CLRN1: variants seen among roughly 807,000 people sequenced by gnomAD.
CLRN1 encodes the protein clarin-1.
CLRN1 carries 15 observed loss-of-function variants against 18.7 expected under a neutral mutation model. The ratio of observed to expected loss-of-function variants is 0.80; its 90% confidence interval spans 0.54 to 1.23. CLRN1 has a LOEUF of 1.23. Among genes scored for constraint, CLRN1 ranks in the 50% most tolerant of loss-of-function variants. The probability of loss-of-function intolerance (pLI) is 0.00; values close to 1 mark genes in which losing one functional copy is unlikely to be tolerated. For missense variants in CLRN1, 311 were observed against 277.5 expected (o/e 1.12, Z -0.86); for synonymous variants, 104 against 102.9 (o/e 1.01, Z -0.07).
At chr3:150,940,384 A>C (rs991648443) in intron 2 of CLRN1, 29 of 1,082,576 alleles carry the variant, frequency 2.7e-5, no homozygotes, top group Non-Finnish European at 3.3e-5. Context: ...CCTGTTAACT[A>C]CAGGCCTTTG....
chr3:150,945,358 A>C (rs936563791), intron 1 of CLRN1, among the ~76,000 whole-genome samples: 2 of 152,208 alleles, frequency 1.3e-5, no homozygotes, highest in Admixed American at 6.5e-5. Context: ...CAAATGGAAA[A>C]AAATGTTTCA....
intron 1 of CLRN1, among the ~76,000 whole-genome samples, chr3:150,946,241 AT>A (rs1714162572): frequency 6.6e-6 from 1 of 152,226 alleles, no homozygotes; most frequent in African/African-American, 2.4e-5. Flanking sequence ...CACTTATCTG[AT>A]TTAATTCTCT....
At chr3:150,961,181 C>A (rs767427777) in intron 1 of CLRN1, among the ~76,000 whole-genome samples, 2 of 152,232 alleles carry the variant, frequency 1.3e-5, no homozygotes, top group African/African-American at 2.4e-5. Flanking sequence ...TCCCCCTCCC[C>A]TCCTCCTTGT....
In CLRN1 at chr3:150,926,932, G is replaced by C; in HGVS notation, c.*1004C>G. The C allele has an allele frequency of 6.2e-7, 1 of 1,613,452 alleles. No homozygotes were observed. The highest frequency in any genetic ancestry group is 8.5e-7 in the Non-Finnish European group (1 of 1,179,702). On this transcript the variant is annotated 3_prime_UTR_variant, in exon 3 of 3. Transcript: ENST00000327047. ...AAAAAAGTTGACCTGGGTCATGCTT[G>C]GTGACAGCCAGAACAAGACCAAGAT...
At chr3:150,953,706 CA>C (rs1714599634) in intron 1 of CLRN1, among the ~76,000 whole-genome samples, 1 of 152,152 alleles carries the variant, frequency 6.6e-6, no homozygotes, top group Admixed American at 6.5e-5. Context: ...TTAGTAGAGA[CA>C]GGGTTTCACC....
chr3:150,953,079 C>T (rs60340247), intron 1 of CLRN1, among the ~76,000 whole-genome samples: 7,517 of 152,196 alleles, frequency 0.049, 334 homozygotes, highest in East Asian at 0.16. Flanking sequence ...CAAATAAATA[C>T]TGAGAGTTGT....
chr3:150,970,068 T>C (rs1464124748), intron 1 of CLRN1, among the ~76,000 whole-genome samples: 1 of 152,202 alleles, frequency 6.6e-6, no homozygotes, highest in African/African-American at 2.4e-5. Context: ...GGAAATGAAT[T>C]GTGCACTAAT....
At chr3:150,932,889 A>G (rs886102411) in intron 2 of CLRN1, among the ~76,000 whole-genome samples, 1 of 152,246 alleles carries the variant, frequency 6.6e-6, no homozygotes, top group Non-Finnish European at 1.5e-5. Context: ...ATGTGTTTCC[A>G]AAGGATAGAT....
intron 1 of CLRN1, among the ~76,000 whole-genome samples, chr3:150,962,327 C>T (rs1715075856): frequency 6.6e-6 from 1 of 152,160 alleles, no homozygotes; most frequent in African/African-American, 2.4e-5. Flanking sequence ...TAGACAATTG[C>T]ATTTAGCTGC....
At chr3:150,960,210 C>A (rs955884888) in intron 1 of CLRN1, among the ~76,000 whole-genome samples, 2 of 152,152 alleles carry the variant, frequency 1.3e-5, no homozygotes, top group East Asian at 3.8e-4. Context: ...TAAGTGAGAT[C>A]ATTTATGTGG....
chr3:150,947,456 G>A (rs1007509318), intron 1 of CLRN1, among the ~76,000 whole-genome samples: 3 of 152,212 alleles, frequency 2.0e-5, no homozygotes, highest in Non-Finnish European at 4.4e-5. Flanking sequence ...CACAATAGTA[G>A]TAGGAGACTT....
chr3:150,926,522 T>C, downstream of CLRN1: 1 of 480,490 alleles, frequency 2.1e-6, no homozygotes, highest in Non-Finnish European at 3.8e-6. Context: ...ATTGTAGTCT[T>C]CTAGAAATTG....
At chr3:150,938,572 G>A (rs1047733462) in intron 2 of CLRN1, among the ~76,000 whole-genome samples, 6 of 151,902 alleles carry the variant, frequency 3.9e-5, no homozygotes, top group Admixed American at 3.9e-4. Context: ...CCTCAAACAT[G>A]TTTTATTGTT....
chr3:150,930,583 C>G (rs1202681688), intron 2 of CLRN1, among the ~76,000 whole-genome samples: 5 of 152,140 alleles, frequency 3.3e-5, no homozygotes, highest in African/African-American at 4.8e-5. Context: ...GAGCTCTCCC[C>G]TGGCAAAACC....
intron 1 of CLRN1, among the ~76,000 whole-genome samples, chr3:150,946,063 CA>C (rs1408083507): frequency 1.3e-5 from 2 of 151,832 alleles, no homozygotes; most frequent in Non-Finnish European, 2.9e-5. Context: ...TCAATGATTA[CA>C]AAGAATGAAG....
intron 2 of CLRN1, chr3:150,940,578 G>T: frequency 6.7e-7 from 1 of 1,482,908 alleles, no homozygotes; most frequent in South Asian, 1.2e-5. Context: ...TGCTTTGTGT[G>T]AGTTGTTATC....
At position 150,927,510 on chromosome 3, in the gene CLRN1, G is replaced by T; in HGVS notation, c.*426C>A. ...TTTAATACACTACTGTTTTAGGAAA[G>T]CGATTGCAGCTCAGTTTTCTGAAAT... On this transcript the variant is annotated 3_prime_UTR_variant, in exon 3 of 3. Coordinates refer to ENST00000327047, the MANE Select transcript of CLRN1 (RefSeq NM_174878.3). 2.2e-6 allele frequency: 1 copy of T among 454,600 alleles called. No homozygotes were observed. Among genetic ancestry groups the T allele is most frequent in the Non-Finnish European group, 4.4e-6 (1 of 227,414 alleles). The allele number at this position is 454,600 out of a possible 1,614,324, so 28.2% of individuals were successfully genotyped here.
chr3:150,926,648 G>A lies in CLRN1; in HGVS notation c.*1288C>T, dbSNP rs781589419. On this transcript the variant is annotated 3_prime_UTR_variant, in exon 3 of 3. Transcript: ENST00000327047. ...AGAGCAAGTTATTTCTCAGGTATAC[G>A]GTTGTTTCATCCTTGTAAATAGTTC... is the stretch of plus-strand genomic sequence containing the variant. 21 of 833,712 alleles carry A rather than the reference G, an allele frequency of 2.5e-5. No homozygotes were observed. Among genetic ancestry groups the A allele is most frequent in the African/African-American group, 2.0e-4 (12 of 59,380 alleles). The allele number at this position is 833,712 out of a possible 1,614,324, so 51.6% of individuals were successfully genotyped here.
chr3:150,926,783 T>A lies in CLRN1; in HGVS notation c.*1153A>T, dbSNP rs1559975295. 6.2e-7 allele frequency: 1 copy of A among 1,613,792 alleles called. No homozygotes were observed. The highest frequency in any genetic ancestry group is 8.5e-7 in the Non-Finnish European group (1 of 1,179,940). ...GGCCTAGTGATCTGTTTGCTGTCATTCTCTGCTTTTTCCTTGGTGCTTTCT... is the reference window on the plus strand; with the variant it reads ...GGCCTAGTGATCTGTTTGCTGTCATACTCTGCTTTTTCCTTGGTGCTTTCT... On this transcript the variant is annotated 3_prime_UTR_variant, in exon 3 of 3. Coordinates refer to ENST00000327047, the MANE Select transcript of CLRN1 (RefSeq NM_174878.3).
Sources: allele counts gnomAD v4.1 joint callset (sites outside exome capture counted in the v4.1 genomes callset), GRCh38; gene constraint gnomAD v4.1.1; transcripts MANE v1.5; gene names NCBI Gene and HGNC (gene_info 2026-07-23, HGNC 2026-07-21).